Variants in KCTD16 observed in about 807,000 individuals in gnomAD.
KCTD16 encodes BTB/POZ domain-containing protein KCTD16.
A neutral mutation model predicts 33.2 loss-of-function variants in KCTD16; 13 were observed. The ratio of observed to expected loss-of-function variants is 0.39; its 90% confidence interval spans 0.25 to 0.62. KCTD16 has a LOEUF of 0.62. KCTD16 is among the 20% of genes least tolerant of loss of function. The pLI is 0.50. For synonymous variants in KCTD16, 197 were observed against 195.3 expected, an observed-to-expected ratio of 1.01 and a Z score of -0.07; for missense variants, 441 against 525.1, an observed-to-expected ratio of 0.84 and a Z score of 1.57.
At chr5:144,343,329 T>A (rs1488094086) in intron 3 of KCTD16, among the ~76,000 whole-genome samples, 1 of 151,946 alleles carries the variant, frequency 6.6e-6, no homozygotes, top group Non-Finnish European at 1.5e-5. Context: ...GTCGAGGAAT[T>A]TATCCATTTC....
intron 3 of KCTD16, among the ~76,000 whole-genome samples, chr5:144,451,565 A>G (rs1753943366): frequency 6.6e-6 from 1 of 152,208 alleles, no homozygotes; most frequent in East Asian, 1.9e-4. Flanking sequence ...TATTAAAATC[A>G]AAGTTTAATC....
chr5:144,343,944 C>T (rs1226764582), intron 3 of KCTD16, among the ~76,000 whole-genome samples: 1 of 152,138 alleles, frequency 6.6e-6, no homozygotes, highest in Non-Finnish European at 1.5e-5. Context: ...CATCACGCTA[C>T]CTGACTTCAA....
At position 144,185,717 on chromosome 5, in the gene KCTD16, T is replaced by G. The variant is rs1333343381; in HGVS notation, c.-327+11245T>G. Among the ~76,000 whole-genome samples, 3 of 152,150 alleles carry G rather than the reference T, an allele frequency of 2.0e-5. No homozygotes were observed. The East Asian group carries it at 5.8e-4, about 29-fold the overall frequency. On this transcript the variant is annotated intron_variant, in intron 2 of 3. Coordinates refer to ENST00000512467, the MANE Select transcript of KCTD16 (RefSeq NM_020768.4). ...TTTTCTTGGGAGATAGGGAGCTTTT[T>G]TGCATTAGGAATAAATACATGAGTG... is the stretch of plus-strand genomic sequence containing the variant.
At chr5:144,264,610 G>C (rs1755094959) in intron 3 of KCTD16, among the ~76,000 whole-genome samples, 1 of 151,926 alleles carries the variant, frequency 6.6e-6, no homozygotes, top group Non-Finnish European at 1.5e-5. Context: ...AAAAAACATA[G>C]AAAATGTAAA....
chr5:144,426,638 A>C (rs1390679077), intron 3 of KCTD16, among the ~76,000 whole-genome samples: 1 of 152,128 alleles, frequency 6.6e-6, no homozygotes, highest in African/African-American at 2.4e-5. Context: ...AAAAAAAATA[A>C]GTTTATTTGG....
chr5:144,386,005 T>C (rs192735589), intron 3 of KCTD16, among the ~76,000 whole-genome samples: 41 of 152,304 alleles, frequency 2.7e-4, no homozygotes, highest in Non-Finnish European at 4.9e-4. Flanking sequence ...GCTTGGGATT[T>C]AAAATATTGT....
At chr5:144,201,312 C>T (rs7707214) in intron 2 of KCTD16, among the ~76,000 whole-genome samples, 25,490 of 152,148 alleles carry the variant, frequency 0.17, 2,345 homozygotes, top group Admixed American at 0.26. Context: ...CACTCTGCCA[C>T]CCCATCTCCC....
intron 3 of KCTD16, among the ~76,000 whole-genome samples, chr5:144,340,785 C>CA (rs1289231141): frequency 6.6e-6 from 1 of 152,100 alleles, no homozygotes; most frequent in Non-Finnish European, 1.5e-5. Flanking sequence ...TGCGGTGGCT[C>CA]ATGCCTGTAA....
At chr5:144,311,816 A>G (rs1355885913) in intron 3 of KCTD16, among the ~76,000 whole-genome samples, 2 of 152,224 alleles carry the variant, frequency 1.3e-5, no homozygotes, top group Non-Finnish European at 2.9e-5. Flanking sequence ...TACCATACAC[A>G]GTTAACTGTA....
At chr5:144,469,855 A>G (rs1199258338) in intron 3 of KCTD16, among the ~76,000 whole-genome samples, 2 of 151,660 alleles carry the variant, frequency 1.3e-5, no homozygotes, top group Non-Finnish European at 2.9e-5. Context: ...AAAATCATAT[A>G]ATATTCAACA....
At chr5:144,299,839 C>T (rs775126006) in intron 3 of KCTD16, among the ~76,000 whole-genome samples, 28 of 149,246 alleles carry the variant, frequency 1.9e-4, no homozygotes, top group Admixed American at 4.0e-4. Flanking sequence ...TTAACAAACT[C>T]ATTGTCCAGG....
intron 3 of KCTD16, among the ~76,000 whole-genome samples, chr5:144,394,329 T>TC (rs1438600888): frequency 2.2e-4 from 34 of 152,288 alleles, no homozygotes; most frequent in Non-Finnish European, 4.0e-4. Context: ...TGATGGAAAG[T>TC]ACCTTCATGT....
chr5:144,365,426 A>G (rs1366359732), intron 3 of KCTD16, among the ~76,000 whole-genome samples: 2 of 151,918 alleles, frequency 1.3e-5, no homozygotes, highest in Non-Finnish European at 2.9e-5. Context: ...AAGTTAGTAA[A>G]AGAGAGAGAG....
At chr5:144,303,126 A>G (rs990777589) in intron 3 of KCTD16, among the ~76,000 whole-genome samples, 1 of 152,220 alleles carries the variant, frequency 6.6e-6, no homozygotes, top group African/African-American at 2.4e-5. Flanking sequence ...TTTGCTGGCC[A>G]TTAGCAATCT....
intron 3 of KCTD16, among the ~76,000 whole-genome samples, chr5:144,246,385 A>T (rs1019402056): frequency 9.2e-5 from 14 of 152,228 alleles, no homozygotes; most frequent in African/African-American, 3.4e-4. Flanking sequence ...AAATAAGGGA[A>T]ATCTGGCTTT....
At chr5:144,349,880 A>G (rs995745588) in intron 3 of KCTD16, among the ~76,000 whole-genome samples, 1 of 152,204 alleles carries the variant, frequency 6.6e-6, no homozygotes, top group African/African-American at 2.4e-5. Flanking sequence ...CTCCTACATG[A>G]TTAGCACCTT....
chr5:144,440,661 A>G (rs1753683539), intron 3 of KCTD16, among the ~76,000 whole-genome samples: 1 of 148,310 alleles, frequency 6.7e-6, no homozygotes, highest in African/African-American at 2.6e-5. Context: ...ATGAGGCCCT[A>G]TCTCTACTGA....
intron 3 of KCTD16, among the ~76,000 whole-genome samples, chr5:144,263,174 TG>T (rs1755057483): frequency 6.6e-6 from 1 of 152,268 alleles, no homozygotes; most frequent in African/African-American, 2.4e-5. Flanking sequence ...ATTCTAATTC[TG>T]GAGGCTTTTA....
At chr5:144,416,694 G>A (rs1176432905) in intron 3 of KCTD16, among the ~76,000 whole-genome samples, 1 of 151,916 alleles carries the variant, frequency 6.6e-6, no homozygotes, top group Non-Finnish European at 1.5e-5. Context: ...TCATAATTTT[G>A]CCCAACTACC....
Sources: allele counts gnomAD v4.1 joint callset (sites outside exome capture counted in the v4.1 genomes callset), GRCh38; gene constraint gnomAD v4.1.1; transcripts MANE v1.5; gene names NCBI Gene and HGNC (gene_info 2026-07-23, HGNC 2026-07-21).